LAPTM4B: variants seen among roughly 807,000 people sequenced by gnomAD.
LAPTM4B encodes lysosomal-associated transmembrane protein 4B.
Under a neutral mutation model 28.5 loss-of-function variants are expected in LAPTM4B, and 26 were observed. That is an observed-to-expected ratio of 0.91 (90% confidence interval 0.67 to 1.27). The LOEUF is 1.27. Among genes scored for constraint, LAPTM4B ranks in the 50% most tolerant of loss-of-function variants. LAPTM4B has a pLI of 0.00. For missense variants in LAPTM4B, 288 were observed against 285.8 expected (o/e 1.01, Z -0.06); for synonymous variants, 109 against 106.4 (o/e 1.02, Z -0.15).
Position 97,851,622 on chromosome 8 carries a change from CTG to C in LAPTM4B, c.*150_*151del. 3 of 651,832 alleles carry C rather than the reference CTG, an allele frequency of 4.6e-6. No homozygotes were observed. The highest frequency in any genetic ancestry group is 8.2e-6 in the Non-Finnish European group (3 of 367,334). 40.4% of individuals were successfully genotyped at this position (651,832 alleles called of 1,614,324 possible). A position where few individuals can be genotyped will look rare whatever the true frequency, so the allele number is the denominator to read the frequency against. On this transcript the variant is annotated 3_prime_UTR_variant, in exon 7 of 7. Transcript: ENST00000521545. Reference sequence around the variant, plus strand: ...TAAAATTTAGATGTTAGATTGAAAACTGTAGTTTTCAACATATGCTTTGCTGG... The same window carrying C: ...TAAAATTTAGATGTTAGATTGAAAACTAGTTTTCAACATATGCTTTGCTGG...
intron 6 of LAPTM4B, among the ~76,000 whole-genome samples, chr8:97,829,017 G>A (rs528911793): frequency 6.6e-6 from 1 of 152,278 alleles, no homozygotes; most frequent in African/African-American, 2.4e-5. Flanking sequence ...AGGTGGAAGA[G>A]CTGCAGAGGA....
intron 1 of LAPTM4B, among the ~76,000 whole-genome samples, chr8:97,780,070 A>G (rs1445635696): frequency 1.4e-5 from 2 of 147,306 alleles, no homozygotes; most frequent in Non-Finnish European, 3.0e-5. Context: ...AAAAAAAAAG[A>G]AAAGTAAAAT....
rs144166628 is a variant in LAPTM4B, at chr8:97,804,710, G to T, written c.100-643G>T. Among the ~76,000 whole-genome samples the T allele has an allele frequency of 1.3e-4, 20 of 152,340 alleles. No homozygotes were observed. In the East Asian group the frequency reaches 3.9e-3, roughly 29 times the overall value. On this transcript the variant is annotated intron_variant, in intron 1 of 6. Coordinates refer to ENST00000521545, the MANE Select transcript of LAPTM4B (RefSeq NM_018407.6). ...TAGAGAACAAATAAGGAGGGCAGAA[G>T]TGGGAGATGTTAAAGAAGGTGATTG...
Position 97,851,537 on chromosome 8 carries a change from T to C in LAPTM4B, c.*63T>C. ...TTTGCAGACATCTGAGCAATAGTTC[T>C]GTTATTTCACTTTTGCCATGAGCCT... On this transcript the variant is annotated 3_prime_UTR_variant, in exon 7 of 7. Coordinates refer to ENST00000521545, the MANE Select transcript of LAPTM4B (RefSeq NM_018407.6). The C allele has an allele frequency of 8.0e-7, 1 of 1,247,182 alleles. No individual in the cohort carries two copies. The highest frequency in any genetic ancestry group is 1.2e-5 in the South Asian group (1 of 82,034). 77.3% of individuals were successfully genotyped at this position (1,247,182 alleles called of 1,614,324 possible).
chr8:97,814,010 G>A (rs1316014405), intron 2 of LAPTM4B, among the ~76,000 whole-genome samples: 1 of 152,060 alleles, frequency 6.6e-6, no homozygotes, highest in African/African-American at 2.4e-5. Context: ...TTTATTACCC[G>A]TAGCAAATAA....
At position 97,842,807 on chromosome 8, in the gene LAPTM4B, G is replaced by A. The variant is rs564153307; in HGVS notation, c.604-8590G>A. Among the ~76,000 whole-genome samples, 21 of 151,748 alleles carry A rather than the reference G, an allele frequency of 1.4e-4. No individual in the cohort carries two copies. In the South Asian group the frequency reaches 2.3e-3, roughly 17 times the overall value. ...GCTGGGACTACAGGCGTGAGCCACC[G>A]CGCCTGGCCTAATCTTTGGGGTTTT... On this transcript the variant is annotated intron_variant, in intron 6 of 6. Coordinates refer to ENST00000521545, the MANE Select transcript of LAPTM4B (RefSeq NM_018407.6).
chr8:97,820,939 C>A (rs1047741303), intron 5 of LAPTM4B, among the ~76,000 whole-genome samples: 1 of 151,894 alleles, frequency 6.6e-6, no homozygotes, highest in African/African-American at 2.4e-5. Context: ...GTTGGCCATG[C>A]TGGTGTCAAA....
chr8:97,790,816 C>T (rs987872512), intron 1 of LAPTM4B, among the ~76,000 whole-genome samples: 8 of 151,748 alleles, frequency 5.3e-5, no homozygotes, highest in African/African-American at 1.5e-4. Context: ...CTTGGCTCAC[C>T]GCAACTTTCG....
rs151009828 is a variant in LAPTM4B at position 97,850,476 on chromosome 8, G to GTGTGTGTGTGTGTGTGTA, written c.604-908_604-907insGTGTATGTGTGTGTGTGT. ...AGCTGGAGAGGAGGGGTGTGTGTGT[G>GTGTGTGTGTGTGTGTGTA]TGTGTGTGTGTGTTTGGGAGAGTGC... On this transcript the variant is annotated intron_variant, in intron 6 of 6. Transcript: ENST00000521545. Among the ~76,000 whole-genome samples, 1,316 of 147,628 alleles carry GTGTGTGTGTGTGTGTGTA rather than the reference G, an allele frequency of 8.9e-3. 53 individuals are homozygous for GTGTGTGTGTGTGTGTGTA. The highest frequency in any genetic ancestry group is 0.03 in the African/African-American group (1,159 of 39,064).
intron 2 of LAPTM4B, 39 bp downstream of exon 2, chr8:97,805,503 A>G (rs769504890): frequency 9.2e-7 from 1 of 1,082,614 alleles, no homozygotes; most frequent in South Asian, 1.3e-5. Flanking sequence ...AGGGCAGGGA[A>G]TCTGACTGCC....
At chr8:97,834,495 G>A (rs1404091926) in intron 6 of LAPTM4B, among the ~76,000 whole-genome samples, 1 of 151,962 alleles carries the variant, frequency 6.6e-6, no homozygotes, top group Non-Finnish European at 1.5e-5. Flanking sequence ...GCTATCTTTG[G>A]CCACTTGGAG....
Position 97,805,479 on chromosome 8 carries a change from T to A in LAPTM4B, c.211+15T>A. On this transcript the variant is annotated intron_variant, in intron 2 of 6. Transcript: ENST00000521545. ...GGATGATGCCAGTAAGTAGTAGATATTTGGGTATTTTCAAGGGCAGGGAAT... is the reference window on the plus strand; with the variant it reads ...GGATGATGCCAGTAAGTAGTAGATAATTGGGTATTTTCAAGGGCAGGGAAT... The A allele has an allele frequency of 7.2e-7, 1 of 1,382,854 alleles. No homozygotes were observed. Among genetic ancestry groups the A allele is most frequent in the Non-Finnish European group, 1.0e-6 (1 of 974,168 alleles). The allele number at this position is 1,382,854 out of a possible 1,614,324, so 85.7% of individuals were successfully genotyped here. A position where few individuals can be genotyped will look rare whatever the true frequency, so the allele number is the denominator to read the frequency against.
chr8:97,824,300 T>C (rs777902149), intron 5 of LAPTM4B, among the ~76,000 whole-genome samples: 1 of 152,196 alleles, frequency 6.6e-6, no homozygotes, highest in Non-Finnish European at 1.5e-5. Context: ...TACATTCTCA[T>C]AAGCAACGTA....
intron 5 of LAPTM4B, among the ~76,000 whole-genome samples, chr8:97,823,376 GTTGTTGTTGTTT>G (rs1817041015): frequency 9.2e-6 from 1 of 108,818 alleles, no homozygotes; most frequent in Non-Finnish European, 1.9e-5. Flanking sequence ...TGTTGTTGTT[GTTGTTGTTGTTT>G]TTTTGAGACG....
At chr8:97,795,013 C>T (rs1275953786) in intron 1 of LAPTM4B, among the ~76,000 whole-genome samples, 1 of 152,162 alleles carries the variant, frequency 6.6e-6, no homozygotes, top group Non-Finnish European at 1.5e-5. Flanking sequence ...TGCCCAGCCC[C>T]ATTAATAACT....
At chr8:97,785,324 G>T (rs535733437) in intron 1 of LAPTM4B, among the ~76,000 whole-genome samples, 1 of 152,064 alleles carries the variant, frequency 6.6e-6, no homozygotes, top group Non-Finnish European at 1.5e-5. Flanking sequence ...TGATCCGCCC[G>T]CCTCCCAAAG....
At chr8:97,791,715 C>T (rs928887016) in intron 1 of LAPTM4B, among the ~76,000 whole-genome samples, 5 of 152,040 alleles carry the variant, frequency 3.3e-5, no homozygotes, top group African/African-American at 9.7e-5. Flanking sequence ...CTGGTAAGAG[C>T]GTATATGGCA....
intron 6 of LAPTM4B, among the ~76,000 whole-genome samples, chr8:97,828,446 G>C (rs763381556): frequency 1.5e-4 from 23 of 152,178 alleles, no homozygotes; most frequent in Non-Finnish European, 3.1e-4. Flanking sequence ...AATAAGAGAA[G>C]GAGAAGGATG....
At chr8:97,802,425 T>G (rs1325828941) in intron 1 of LAPTM4B, among the ~76,000 whole-genome samples, 3 of 152,030 alleles carry the variant, frequency 2.0e-5, no homozygotes, top group African/African-American at 7.2e-5. Context: ...ATGGCGCTGG[T>G]GGGAGTGTCT....
Sources: gnomAD v4.1 joint callset for allele counts (sites outside exome capture counted in the v4.1 genomes callset) on GRCh38, gnomAD v4.1.1 for gene constraint, MANE v1.5 for transcripts, NCBI Gene and HGNC (gene_info 2026-07-23, HGNC 2026-07-21) for gene names.